SGCG: variants seen among roughly 807,000 people sequenced by gnomAD.
SGCG encodes the protein sarcoglycan gamma.
SGCG carries 26 observed loss-of-function variants against 29.3 expected under a neutral mutation model. That is an observed-to-expected ratio of 0.89 (90% CI 0.65 to 1.23). SGCG has a LOEUF of 1.23. SGCG is among the 50% of genes most tolerant of loss of function. The pLI, the probability that SGCG is intolerant of heterozygous loss-of-function variation, is 0.00. For missense variants in SGCG, 353 were observed against 356.0 expected (o/e 0.99, Z 0.07); for synonymous variants, 145 against 129.7 (o/e 1.12, Z -0.80).
chr13:23,179,908 A>G (rs1169163813), upstream of SGCG, among the ~76,000 whole-genome samples: 1 of 152,162 alleles, frequency 6.6e-6, no homozygotes, highest in African/African-American at 2.4e-5. Flanking sequence ...CGAGGGGTAC[A>G]TGTGCAGGTT....
intron 4 of SGCG, among the ~76,000 whole-genome samples, chr13:23,258,987 G>C (rs573769650): frequency 6.6e-6 from 1 of 152,118 alleles, no homozygotes; most frequent in Non-Finnish European, 1.5e-5. Context: ...ATGTTCATCA[G>C]GGATATTGGT....
chr13:23,324,495 C>T lies in SGCG; in HGVS notation c.830C>T (p.Ala277Val), dbSNP rs1203550462. 6.2e-7 allele frequency: 1 copy of T among 1,613,324 alleles called. No individual in the cohort carries two copies. The highest frequency in any genetic ancestry group is 8.5e-7 in the Non-Finnish European group (1 of 1,180,004). Residue 277 changes from alanine (A) to valine (V), a missense_variant, in exon 8 of 8, where the codon GCC becomes GTC. Physicochemically the swap from Ala to Val is moderately conservative, Grantham distance 64 (BLOSUM62 0). Transcript: ENST00000218867. ...GATGGGAAGCTGTACCTGTCTGTGG[C>T]CGGTGTGAGCACCACGTGCCAGGAG... Reference protein sequence around the residue: ...CPDGKLYLSVAGVSTTCQEHN... With the variant: ...CPDGKLYLSVVGVSTTCQEHN...
rs182136014 is a variant in SGCG, at chr13:23,271,948, T to A, written c.386-7411T>A. ...ATTGTAAATGGCACTTTCTCCACTA[T>A]TATTTATTTTAACTTTTGTTTGTAT... On this transcript the variant is annotated intron_variant, in intron 4 of 7. Transcript: ENST00000218867. Among the ~76,000 whole-genome samples, 18 of 152,346 alleles carry A rather than the reference T, an allele frequency of 1.2e-4. No homozygotes were observed. In the East Asian group the frequency reaches 3.3e-3, roughly 28 times the overall value.
the SGCG span, among the ~76,000 whole-genome samples, chr13:23,161,107 T>C: frequency 7.9e-5 from 12 of 152,176 alleles, no homozygotes; most frequent in African/African-American, 2.9e-4. Flanking sequence ...CAAAGTTGCG[T>C]AGGGGTTACT....
rs545819734 is a variant in SGCG, at chr13:23,185,129, C to G, written c.-1+4054C>G. Among the ~76,000 whole-genome samples the G allele has an allele frequency of 1.4e-4, 21 of 152,242 alleles. No individual in the cohort carries two copies. In the South Asian group the frequency reaches 4.2e-3, roughly 30 times the overall value. ...ATAAAAAATTTTTCTTTATGGCCTTCCCTGGTTCTGTTTGTCAGAGTTTTC... is the reference window on the plus strand; with the variant it reads ...ATAAAAAATTTTTCTTTATGGCCTTGCCTGGTTCTGTTTGTCAGAGTTTTC... On this transcript the variant is annotated intron_variant, in intron 1 of 7. Coordinates refer to ENST00000218867, the MANE Select transcript of SGCG (RefSeq NM_000231.3).
chr13:23,161,180 A>G, the SGCG span, among the ~76,000 whole-genome samples: 3 of 152,236 alleles, frequency 2.0e-5, no homozygotes, highest in South Asian at 2.1e-4. Flanking sequence ...ATGGGATTAC[A>G]TAATAACTTG....
At chr13:23,189,728 A>C (rs2137477617) in intron 1 of SGCG, among the ~76,000 whole-genome samples, 1 of 152,338 alleles carries the variant, frequency 6.6e-6, no homozygotes, top group East Asian at 1.9e-4. Context: ...TAGTATGAGA[A>C]GATAGATGCA....
intron 2 of SGCG, among the ~76,000 whole-genome samples, chr13:23,231,495 T>C (rs1879111169): frequency 6.6e-6 from 1 of 152,144 alleles, no homozygotes. Flanking sequence ...TTTGGTGATA[T>C]AACAAATAGA....
chr13:23,299,444 A>ATT (rs1566037511), intron 6 of SGCG, among the ~76,000 whole-genome samples: 4 of 5,636 alleles, frequency 7.1e-4, no homozygotes, highest in Admixed American at 2.8e-3. Context: ...ATATATATAT[A>ATT]TATATATATA....
At chr13:23,228,241 T>C (rs1016084643) in intron 2 of SGCG, among the ~76,000 whole-genome samples, 1 of 152,204 alleles carries the variant, frequency 6.6e-6, no homozygotes. Flanking sequence ...TTAGGGTAAA[T>C]CTTATTGTTT....
At chr13:23,324,111 G>A (rs953783432) in intron 7 of SGCG, among the ~76,000 whole-genome samples, 1 of 152,216 alleles carries the variant, frequency 6.6e-6, no homozygotes, top group African/African-American at 2.4e-5. Flanking sequence ...ACATTTCTCA[G>A]CTGCACTCAA....
chr13:23,216,522 T>A (rs17078481), intron 2 of SGCG, among the ~76,000 whole-genome samples: 14,068 of 152,106 alleles, frequency 0.092, 866 homozygotes, highest in South Asian at 0.2. Context: ...ACTGTAAAAA[T>A]TTATTAGTCT....
intron 1 of SGCG, among the ~76,000 whole-genome samples, chr13:23,185,003 G>A (rs1050083906): frequency 1.6e-4 from 24 of 152,184 alleles, no homozygotes; most frequent in African/African-American, 5.3e-4. Context: ...AATAACAAGA[G>A]TAACACCAGT....
chr13:23,296,605 G>A (rs983592718), intron 6 of SGCG, among the ~76,000 whole-genome samples: 14 of 46,006 alleles, frequency 3.0e-4, no homozygotes, highest in South Asian at 1.2e-3. Flanking sequence ...CGGTCACCCC[G>A]GCACTCACCA....
intron 1 of SGCG, among the ~76,000 whole-genome samples, chr13:23,188,502 T>TTTA (rs1565992168): frequency 5.7e-5 from 8 of 140,866 alleles, no homozygotes; most frequent in African/African-American, 2.1e-4. Context: ...TTTTTTTTTT[T>TTTA]GGGACAGGTA....
At chr13:23,226,824 G>A (rs1008145596) in intron 2 of SGCG, among the ~76,000 whole-genome samples, 1 of 152,128 alleles carries the variant, frequency 6.6e-6, no homozygotes, top group Non-Finnish European at 1.5e-5. Context: ...TCTGGAAGGG[G>A]TGATGGTTGT....
At chr13:23,187,301 C>A (rs1877019948) in intron 1 of SGCG, among the ~76,000 whole-genome samples, 1 of 152,158 alleles carries the variant, frequency 6.6e-6, no homozygotes, top group African/African-American at 2.4e-5. Flanking sequence ...CCCAATAGGT[C>A]CATCCACAAG....
intron 6 of SGCG, among the ~76,000 whole-genome samples, chr13:23,306,011 C>T (rs560021527): frequency 8.5e-5 from 13 of 152,244 alleles, no homozygotes; most frequent in African/African-American, 3.1e-4. Flanking sequence ...GCTAGGACTA[C>T]AGGAATGCAC....
intron 2 of SGCG, among the ~76,000 whole-genome samples, chr13:23,230,644 A>T (rs1879072685): frequency 6.6e-6 from 1 of 152,202 alleles, no homozygotes; most frequent in Non-Finnish European, 1.5e-5. Flanking sequence ...TGTATCCCAA[A>T]ACTTAGTTGA....
Sources: allele counts gnomAD v4.1 joint callset (sites outside exome capture counted in the v4.1 genomes callset), GRCh38; gene constraint gnomAD v4.1.1; transcripts MANE v1.5; gene names NCBI Gene and HGNC (gene_info 2026-07-23, HGNC 2026-07-21).